The following ERBB4 variants were observed in gnomAD, a reference collection of about 807,000 sequenced individuals.
ERBB4 encodes the protein erb-b2 receptor tyrosine kinase 4.
A neutral mutation model predicts 158.0 loss-of-function variants in ERBB4; 42 were observed. The observed-to-expected ratio is 0.27, with a 90% CI of 0.21 to 0.34. ERBB4 has a LOEUF of 0.34. Ranked by LOEUF, ERBB4 falls within the 10% of genes least tolerant of loss-of-function variation. The pLI, the probability that ERBB4 is intolerant of heterozygous loss-of-function variation, is 1.00. For missense variants in ERBB4, 1,333 were observed against 1,624.1 expected (o/e 0.82, Z 3.08); for synonymous variants, 583 against 558.7 (o/e 1.04, Z -0.61).
rs116028418 is a variant in ERBB4 at position 212,301,332 on chromosome 2, T to C, written c.83-176429A>G. The stretch of plus-strand genomic sequence containing the variant: ...GAAACTTAAGCATCACATGTATTCA[T>C]TAGGCATATCCCAATTCCCTGTAAT... On this transcript the variant is annotated intron_variant, in intron 1 of 27. Coordinates refer to ENST00000342788, the MANE Select transcript of ERBB4 (RefSeq NM_005235.3). Among the ~76,000 whole-genome samples, 435 of 151,518 alleles carry C rather than the reference T, an allele frequency of 2.9e-3. 1 individual carries two copies. Among genetic ancestry groups the C allele is most frequent in the Non-Finnish European group, 3.8e-3 (254 of 67,568 alleles).
rs191506560 is a variant in ERBB4, at chr2:211,531,375, G to A, written c.2487+30528C>T. 6.5e-4 allele frequency among the ~76,000 whole-genome samples: 99 copies of A among 152,050 alleles called. 2 individuals are homozygous for A. In the East Asian group the frequency reaches 0.012, roughly 18 times the overall value. ...AAGGGAACAATCAATAAAGTGAAGA[G>A]ACAACCCACAGAATGGGAGAAAATA... On this transcript the variant is annotated intron_variant, in intron 20 of 27. Coordinates refer to ENST00000342788, the MANE Select transcript of ERBB4 (RefSeq NM_005235.3).
chr2:212,178,681 A>G (rs1295067638), intron 1 of ERBB4, among the ~76,000 whole-genome samples: 1 of 151,714 alleles, frequency 6.6e-6, no homozygotes, highest in Non-Finnish European at 1.5e-5. Flanking sequence ...CGGAATGACC[A>G]CTAAACTTTA....
chr2:211,584,761 A>T (rs1215453046), intron 19 of ERBB4, among the ~76,000 whole-genome samples: 1 of 151,372 alleles, frequency 6.6e-6, no homozygotes, highest in African/African-American at 2.4e-5. Flanking sequence ...AAATATTTAC[A>T]TATAAAAAAT....
intron 1 of ERBB4, among the ~76,000 whole-genome samples, chr2:212,495,962 G>T (rs936344651): frequency 1.3e-5 from 2 of 151,984 alleles, no homozygotes; most frequent in Non-Finnish European, 2.9e-5. Context: ...ATTATATAAA[G>T]TGCTATTTCC....
intron 1 of ERBB4, among the ~76,000 whole-genome samples, chr2:212,476,192 C>G (rs1166753375): frequency 6.6e-6 from 1 of 151,040 alleles, no homozygotes; most frequent in Non-Finnish European, 1.5e-5. Flanking sequence ...TAATGACTTT[C>G]ATTGCATTTT....
intron 4 of ERBB4, 135 bp downstream of exon 4, chr2:211,787,890 C>A: frequency 1.3e-6 from 1 of 777,416 alleles, no homozygotes; most frequent in Non-Finnish European, 2.1e-6. Flanking sequence ...GCCATTTGTT[C>A]TGCCATATAT....
Position 212,468,779 on chromosome 2 carries a change from A to C in ERBB4, c.82+69670T>G, listed in dbSNP as rs1018634153. On this transcript the variant is annotated intron_variant, in intron 1 of 27. Coordinates refer to ENST00000342788, the MANE Select transcript of ERBB4 (RefSeq NM_005235.3). ...ACTTTTTTTGTGGGCAAGACTGAAA[A>C]CTGTCAGTTCAAAGGAGAATTATAA... is the stretch of plus-strand genomic sequence containing the variant. Among the ~76,000 whole-genome samples the C allele has an allele frequency of 5.3e-5, 8 of 152,192 alleles. 1 individual carries two copies. Among genetic ancestry groups the C allele is most frequent in the Admixed American group, 1.3e-4 (2 of 15,278 alleles).
chr2:212,012,931 G>C (rs1358847251), intron 2 of ERBB4, among the ~76,000 whole-genome samples: 2 of 151,906 alleles, frequency 1.3e-5, no homozygotes, highest in African/African-American at 4.8e-5. Flanking sequence ...TTTTTGTAGA[G>C]ACGGGGTCTC....
intron 2 of ERBB4, among the ~76,000 whole-genome samples, chr2:212,084,424 G>C (rs75503789): frequency 0.024 from 3,680 of 151,972 alleles, 155 homozygotes; most frequent in African/African-American, 0.084. Context: ...CATGGGATAA[G>C]GGCAATTTCC....
chr2:211,827,045 T>A (rs1047082647), intron 3 of ERBB4, among the ~76,000 whole-genome samples: 1 of 152,114 alleles, frequency 6.6e-6, no homozygotes, highest in South Asian at 2.1e-4. Context: ...ATGAAATACA[T>A]CTGTGTATAT....
intron 1 of ERBB4, among the ~76,000 whole-genome samples, chr2:212,311,286 G>C (rs1268515158): frequency 6.7e-6 from 1 of 150,082 alleles, no homozygotes; most frequent in Non-Finnish European, 1.5e-5. Context: ...GGAAAATAGA[G>C]AAAAATAAAA....
At chr2:212,050,580 T>G (rs2077373493) in intron 2 of ERBB4, among the ~76,000 whole-genome samples, 1 of 152,038 alleles carries the variant, frequency 6.6e-6, no homozygotes, top group African/African-American at 2.4e-5. Context: ...ATATAATATT[T>G]TAAATGACGT....
intron 15 of ERBB4, among the ~76,000 whole-genome samples, chr2:211,662,946 G>A (rs900298641): frequency 6.6e-6 from 1 of 152,110 alleles, no homozygotes; most frequent in Non-Finnish European, 1.5e-5. Flanking sequence ...GAACTGGCCT[G>A]GTGAGCTCAC....
chr2:211,689,003 ATCT>A (rs150541329), intron 12 of ERBB4, among the ~76,000 whole-genome samples: 2,542 of 152,210 alleles, frequency 0.017, 77 homozygotes, highest in African/African-American at 0.058. Flanking sequence ...ATGACATTTT[ATCT>A]TCTTATCATA....
intron 25 of ERBB4, among the ~76,000 whole-genome samples, chr2:211,396,040 T>C (rs1299339136): frequency 6.6e-6 from 1 of 151,982 alleles, no homozygotes; most frequent in East Asian, 1.9e-4. Context: ...CTATAAACAC[T>C]TTGAATTTGA....
intron 2 of ERBB4, among the ~76,000 whole-genome samples, chr2:212,030,301 C>G (rs973754992): frequency 3.0e-4 from 45 of 152,092 alleles, no homozygotes; most frequent in African/African-American, 1.1e-3. Context: ...CACCAGCCGT[C>G]TAACTAGCTG....
At chr2:212,480,088 C>T (rs932103533) in intron 1 of ERBB4, among the ~76,000 whole-genome samples, 2 of 152,146 alleles carry the variant, frequency 1.3e-5, no homozygotes, top group South Asian at 2.1e-4. Context: ...AGATGAAGAA[C>T]TTATTTTCAA....
intron 3 of ERBB4, among the ~76,000 whole-genome samples, chr2:211,827,934 C>A (rs2077138365): frequency 1.3e-5 from 2 of 152,128 alleles, no homozygotes; most frequent in African/African-American, 4.8e-5. Context: ...TCTAGGCCAG[C>A]CCCCTCACTT....
At chr2:211,539,012 C>G (rs1262795766) in intron 20 of ERBB4, among the ~76,000 whole-genome samples, 2 of 151,892 alleles carry the variant, frequency 1.3e-5, no homozygotes, top group African/African-American at 2.4e-5. Flanking sequence ...TCATATTTAT[C>G]ATAGTACTAA....
Sources: gnomAD v4.1 joint callset for allele counts (sites outside exome capture counted in the v4.1 genomes callset) on GRCh38, gnomAD v4.1.1 for gene constraint, MANE v1.5 for transcripts, NCBI Gene and HGNC (gene_info 2026-07-23, HGNC 2026-07-21) for gene names.